Variants in TACC1 observed in about 807,000 individuals in gnomAD.
TACC1 encodes the protein transforming acidic coiled-coil containing protein 1.
In TACC1, 48 loss-of-function variants were observed where a neutral mutation model predicts 84.4. The ratio of observed to expected loss-of-function variants is 0.57; its 90% CI spans 0.45 to 0.72. TACC1 has a LOEUF of 0.72. Among genes scored for constraint, TACC1 ranks in the 30% least tolerant of loss-of-function variants. The pLI is 0.00. For missense variants in TACC1, 920 were observed against 973.0 expected, an observed-to-expected ratio of 0.95 and a Z score of 0.72; for synonymous variants, 372 against 376.3, an observed-to-expected ratio of 0.99 and a Z score of 0.13.
intron 5 of TACC1, 111 bp downstream of exon 5, chr8:38,827,486 A>T (rs1828361296): frequency 1.8e-6 from 2 of 1,140,328 alleles, no homozygotes; most frequent in Non-Finnish European, 2.5e-6. Context: ...CACTTGAAGG[A>T]TAGATTTAGG....
rs557797184 is a variant in TACC1, at chr8:38,747,175, T to C, written c.26+1682T>C. ...AGATACCACTACACATCTACTAGAA[T>C]AGCCAAAATTCAAAATGCTAACAAC... On this transcript the variant is annotated intron_variant, in intron 3 of 14. Coordinates refer to the TACC1 transcript ENST00000518415. Among the ~76,000 whole-genome samples, 4 of 152,320 alleles carry C rather than the reference T, an allele frequency of 2.6e-5. No individual in the cohort carries two copies. The South Asian group carries it at 8.3e-4, about 32-fold the overall frequency.
chr8:38,842,087 G>C (rs1009417203), intron 9 of TACC1, among the ~76,000 whole-genome samples, 200 bp from the exon 10 acceptor site: 1 of 150,396 alleles, frequency 6.6e-6, no homozygotes, highest in Admixed American at 6.6e-5. Flanking sequence ...CCCCCTCCCC[G>C]CCCCCATTCC....
chr8:38,746,296 CT>C (rs1808082092), intron 3 of TACC1, among the ~76,000 whole-genome samples: 1 of 151,904 alleles, frequency 6.6e-6, no homozygotes, highest in Non-Finnish European at 1.5e-5. Context: ...GGAAAGCCCC[CT>C]TTTTTGGTTG....
At chr8:38,739,480 C>T (rs546141632) in intron 1 of TACC1, among the ~76,000 whole-genome samples, 51 of 152,272 alleles carry the variant, frequency 3.3e-4, no homozygotes, top group Admixed American at 1.0e-3. Context: ...TTCGTCTTAA[C>T]GGACTCCACT....
At chr8:38,829,919 A>C (rs1828881444) in intron 5 of TACC1, among the ~76,000 whole-genome samples, 1 of 152,098 alleles carries the variant, frequency 6.6e-6, no homozygotes, top group Non-Finnish European at 1.5e-5. Flanking sequence ...TGTCCCCTTG[A>C]AGCTGGGTCC....
intron 2 of TACC1, among the ~76,000 whole-genome samples, chr8:38,795,393 A>G (rs1819732448): frequency 6.6e-6 from 1 of 152,266 alleles, no homozygotes; most frequent in African/African-American, 2.4e-5. Flanking sequence ...TTACCCAAGC[A>G]TCGAATAAAG....
chr8:38,787,773 A>G (rs370644187), intron 1 of TACC1, 30 bp downstream of exon 1: 14 of 1,489,818 alleles, frequency 9.4e-6, no homozygotes, highest in African/African-American at 5.8e-5. Flanking sequence ...GCTGAGATGC[A>G]GACGCGCTTG....
intron 4 of TACC1, among the ~76,000 whole-genome samples, chr8:38,826,617 G>C (rs1336466970): frequency 6.6e-6 from 1 of 152,114 alleles, no homozygotes; most frequent in Admixed American, 6.5e-5. Flanking sequence ...TTTCTTGATG[G>C]AAGTGGGATG....
chr8:38,813,665 C>T (rs1303465286), intron 2 of TACC1, among the ~76,000 whole-genome samples: 1 of 152,172 alleles, frequency 6.6e-6, no homozygotes, highest in Non-Finnish European at 1.5e-5. Flanking sequence ...TCATCCTGTA[C>T]TTATATGCAG....
At position 38,787,794 on chromosome 8, in the gene TACC1, T is replaced by C. The variant is rs1012700855; in HGVS notation, c.161+51T>C. 15 of 1,441,508 alleles carry C rather than the reference T, an allele frequency of 1.0e-5. 1 individual carries two copies. The African/African-American group carries it at 1.6e-4, about 16-fold the overall frequency. The allele number at this position is 1,441,508 out of a possible 1,614,324, so 89.3% of individuals were successfully genotyped here. A position where few individuals can be genotyped will look rare whatever the true frequency, so the allele number is the denominator to read the frequency against. On this transcript the variant is annotated intron_variant, in intron 1 of 12. Transcript: ENST00000317827. ...ATGCAGACGCGCTTGCCTCCATCCA[T>C]CTGCGACTCCCTCTGTGTGCGTGTG...
chr8:38,790,053 A>G (rs1035639972), intron 2 of TACC1, among the ~76,000 whole-genome samples: 5 of 152,254 alleles, frequency 3.3e-5, no homozygotes, highest in Non-Finnish European at 7.3e-5. Context: ...AATCAGAACC[A>G]GAAGTCTCAA....
rs117137146 is a variant in TACC1, at chr8:38,806,879, G to A, written c.278-12643G>A. ...GGCTCAATCTCACAAAACTGCTCTC[G>A]CTTCAGATGCTAATTGCAAGTCCCA... On this transcript the variant is annotated intron_variant, in intron 2 of 12. Transcript: ENST00000317827. Among the ~76,000 whole-genome samples, 22 of 152,196 alleles carry A rather than the reference G, an allele frequency of 1.4e-4. No homozygotes were observed. The East Asian group carries it at 3.1e-3, about 21-fold the overall frequency.
intron 11 of TACC1, chr8:38,844,968 A>G (rs1384919112): frequency 6.6e-6 from 1 of 152,116 alleles, no homozygotes; most frequent in Non-Finnish European, 1.5e-5. Context: ...TCTGTCACCC[A>G]TGCTGTAGTG....
chr8:38,789,265 G>C (rs934827936), intron 2 of TACC1, among the ~76,000 whole-genome samples: 2 of 152,182 alleles, frequency 1.3e-5, no homozygotes, highest in South Asian at 2.1e-4. Flanking sequence ...CTTCCATGCA[G>C]GGATGTGGTG....
chr8:38,808,100 G>A (rs1823187673), intron 2 of TACC1, among the ~76,000 whole-genome samples: 1 of 152,178 alleles, frequency 6.6e-6, no homozygotes. Flanking sequence ...TCTAATCTCT[G>A]TCTGTATTCA....
intron 11 of TACC1, among the ~76,000 whole-genome samples, chr8:38,845,417 C>A (rs1832040615): frequency 6.6e-6 from 1 of 152,148 alleles, no homozygotes; most frequent in South Asian, 2.1e-4. Flanking sequence ...GTATATCCCT[C>A]TAGTCGTTTC....
At chr8:38,762,717 C>T (rs888207669) in intron 3 of TACC1, among the ~76,000 whole-genome samples, 4 of 152,180 alleles carry the variant, frequency 2.6e-5, no homozygotes, top group Admixed American at 6.5e-5. Flanking sequence ...TCACCAGGCC[C>T]GGCTAAATTT....
chr8:38,840,818 G>A (rs992403971), intron 9 of TACC1, among the ~76,000 whole-genome samples: 18 of 152,108 alleles, frequency 1.2e-4, no homozygotes, highest in Non-Finnish European at 5.9e-5. Flanking sequence ...GGGAGGCTTG[G>A]GTAGGTGGAT....
chr8:38,832,085 G>A (rs1053380645), intron 6 of TACC1, among the ~76,000 whole-genome samples: 1 of 152,252 alleles, frequency 6.6e-6, no homozygotes, highest in Non-Finnish European at 1.5e-5. Flanking sequence ...GGGATTACAG[G>A]CATGAGCCAC....
Sources: allele counts gnomAD v4.1 joint callset (sites outside exome capture counted in the v4.1 genomes callset), GRCh38; gene constraint gnomAD v4.1.1; transcripts MANE v1.5; gene names NCBI Gene and HGNC (gene_info 2026-07-23, HGNC 2026-07-21).